CEP72: variants seen among roughly 807,000 people sequenced by gnomAD.
The protein encoded by CEP72 is centrosomal protein 72, also known as centrosomal protein of 72 kDa.
A neutral mutation model predicts 65.7 loss-of-function variants in CEP72; 78 were observed. The ratio of observed to expected loss-of-function variants is 1.19; its 90% CI spans 0.99 to 1.43. The LOEUF is 1.43. Among genes scored for constraint, CEP72 ranks in the 40% most tolerant of loss-of-function variants. The pLI is 0.00. For missense variants in CEP72, 914 were observed against 832.9 expected (o/e 1.10, Z -1.20); for synonymous variants, 358 against 351.7 (o/e 1.02, Z -0.20).
intron 3 of CEP72, among the ~76,000 whole-genome samples, chr5:621,834 C>T (rs930380839): frequency 8.5e-5 from 13 of 152,206 alleles, no homozygotes; most frequent in Admixed American, 6.5e-5. Flanking sequence ...AGTGCAGTGG[C>T]GTGATCTTAG....
chr5:669,741 G>T (rs571604305), downstream of CEP72, among the ~76,000 whole-genome samples: 1 of 152,064 alleles, frequency 6.6e-6, no homozygotes, highest in African/African-American at 2.4e-5. Flanking sequence ...CGAGTGTCTC[G>T]GGGAAAGGGC....
Position 624,649 on chromosome 5 carries a change from C to A in CEP72, c.512+70C>A. 1 of 1,103,432 alleles carries A rather than the reference C, an allele frequency of 9.1e-7. No individual in the cohort carries two copies. Among genetic ancestry groups the A allele is most frequent in the Non-Finnish European group, 1.4e-6 (1 of 718,938 alleles). The allele number at this position is 1,103,432 out of a possible 1,614,324, so 68.4% of individuals were successfully genotyped here. A position where few individuals can be genotyped will look rare whatever the true frequency, so the allele number is the denominator to read the frequency against. On this transcript the variant is annotated intron_variant, in intron 4 of 11. Coordinates refer to ENST00000264935, the MANE Select transcript of CEP72 (RefSeq NM_018140.4). The surrounding 1 kb of genome is among the most constrained non-coding windows in gnomAD (Gnocchi z 4.7). Reference sequence around the variant, plus strand: ...CCTGCTGTCAGGAGGATTAACCGAACGTCATTCACTGTGTGCCGGTCACTC... The same window carrying A: ...CCTGCTGTCAGGAGGATTAACCGAAAGTCATTCACTGTGTGCCGGTCACTC...
chr5:653,766 C>T (rs1210321488), downstream of CEP72, among the ~76,000 whole-genome samples: 4 of 152,194 alleles, frequency 2.6e-5, no homozygotes, highest in Admixed American at 6.5e-5. Context: ...AGCCCTGGCT[C>T]GCTCTCTTGT....
rs962901183 is a variant in CEP72 at position 641,546 on chromosome 5, C to T, written c.1539+942C>T. ...AGAAGAAAAACACAGCAAAACAACA[C>T]AGGCAGCCTCTGTTTAAACGCACGT... On this transcript the variant is annotated intron_variant, in intron 9 of 11. Transcript: ENST00000264935. 16 of 984,902 alleles carry T rather than the reference C, an allele frequency of 1.6e-5. No individual in the cohort carries two copies. The African/African-American group carries it at 2.6e-4, about 16-fold the overall frequency. The allele number at this position is 984,902 out of a possible 1,614,324, so 61.0% of individuals were successfully genotyped here.
chr5:617,782 T>A (rs1247909587), intron 1 of CEP72, among the ~76,000 whole-genome samples: 1 of 152,172 alleles, frequency 6.6e-6, no homozygotes, highest in Admixed American at 6.5e-5. Context: ...GGAGAATCAC[T>A]TGAACCTAGG....
At chr5:628,332 A>G (rs1454388331) in intron 4 of CEP72, among the ~76,000 whole-genome samples, 1 of 152,170 alleles carries the variant, frequency 6.6e-6, no homozygotes, top group Non-Finnish European at 1.5e-5. Context: ...CGCCCAAGGA[A>G]CTATGCTCAG....
At chr5:647,587 G>A (rs1211146708) in intron 10 of CEP72, among the ~76,000 whole-genome samples, 2 of 152,242 alleles carry the variant, frequency 1.3e-5, no homozygotes, top group African/African-American at 4.8e-5. Context: ...AGACCACACA[G>A]CTGCAGCCTG....
intron 7 of CEP72, 21 bp downstream of exon 7, chr5:637,839 C>A: frequency 6.6e-7 from 1 of 1,507,018 alleles, no homozygotes; most frequent in South Asian, 1.3e-5. Context: ...GGCTGGGGAG[C>A]AGCAGGCCCA....
In CEP72 at chr5:612,483, C is replaced by G. The variant is rs1561018863; in HGVS notation, c.82+40C>G. On this transcript the variant is annotated intron_variant, in intron 1 of 11. Transcript: ENST00000264935. ...GGGCGGGGGTGCAAGCGTGAGGTGG[C>G]GGGGGGGTGGGTGCCGAGCTTCCCG... 4.4e-4 allele frequency: 210 copies of G among 473,866 alleles called. No individual in the cohort carries two copies. The highest frequency in any genetic ancestry group is 2.5e-3 in the Middle Eastern group (4 of 1,618). 29.4% of individuals were successfully genotyped at this position (473,866 alleles called of 1,614,324 possible).
chr5:628,717 CCCTTCTTTGTG>C (rs1736967109), intron 4 of CEP72, among the ~76,000 whole-genome samples: 5 of 138,546 alleles, frequency 3.6e-5, no homozygotes, highest in Admixed American at 1.5e-4. Context: ...GGACCCAGCC[CCCTTCTTTGTG>C]CAGCTTCTGG....
At chr5:636,101 TC>T (rs1166290807) in intron 6 of CEP72, among the ~76,000 whole-genome samples, 2 of 152,266 alleles carry the variant, frequency 1.3e-5, no homozygotes, top group Non-Finnish European at 2.9e-5. Flanking sequence ...TTTGGGGGGT[TC>T]CTTCGAACTA....
At chr5:632,994 A>G (rs1381104062) in intron 4 of CEP72, among the ~76,000 whole-genome samples, 2 of 79,632 alleles carry the variant, frequency 2.5e-5, no homozygotes, top group Non-Finnish European at 4.6e-5. Flanking sequence ...GGTTCTGTCC[A>G]GTGCCGGGAT....
intron 1 of CEP72, among the ~76,000 whole-genome samples, chr5:616,748 T>C (rs1393714501): frequency 6.6e-6 from 1 of 152,054 alleles, no homozygotes; most frequent in African/African-American, 2.4e-5. Context: ...TCAGGATCCA[T>C]TCTCACACCC....
chr5:615,503 G>T (rs1203000555), intron 1 of CEP72, among the ~76,000 whole-genome samples: 2 of 152,074 alleles, frequency 1.3e-5, no homozygotes, highest in Non-Finnish European at 1.5e-5. Flanking sequence ...TGTTGTTACG[G>T]TAGCTTCTTT....
chr5:616,816 A>G (rs1709534), intron 1 of CEP72, among the ~76,000 whole-genome samples: 50,026 of 104,770 alleles, frequency 0.48, 8,590 homozygotes, highest in Non-Finnish European at 0.51. Context: ...GTGTGTGTGT[A>G]TGTGTGTGTG....
At chr5:676,328 C>CA in the CEP72 span, 1 of 152,270 alleles carries the variant, frequency 6.6e-6, no homozygotes, top group East Asian at 1.9e-4. Flanking sequence ...TGTGACATCG[C>CA]CACGGAGCAC....
rs1435366472 is a variant in CEP72 at position 612,340 on chromosome 5, G to T, written c.-22G>T. 5 of 1,483,138 alleles carry T rather than the reference G, an allele frequency of 3.4e-6. No homozygotes were observed. The highest frequency in any genetic ancestry group is 1.3e-5 in the South Asian group (1 of 79,058). The allele number at this position is 1,483,138 out of a possible 1,614,324, so 91.9% of individuals were successfully genotyped here. A position where few individuals can be genotyped will look rare whatever the true frequency, so the allele number is the denominator to read the frequency against. The stretch of plus-strand genomic sequence containing the variant: ...TCGCCCCGCCCGCCGCGCAGGCGCC[G>T]TCCGAGGGCTCCGTTTGAAACATGG... On this transcript the variant is annotated 5_prime_UTR_variant, in exon 1 of 12. Transcript: ENST00000264935.
downstream of CEP72, among the ~76,000 whole-genome samples, chr5:654,378 C>T (rs551312058): frequency 3.1e-3 from 454 of 144,340 alleles, 1 homozygote; most frequent in Non-Finnish European, 4.2e-3. Flanking sequence ...TGTGTGCACG[C>T]GTTGTGTATG....
At chr5:671,891 C>A (rs1367824522), downstream of CEP72, among the ~76,000 whole-genome samples, 1 of 152,216 alleles carries the variant, frequency 6.6e-6, no homozygotes, top group African/African-American at 2.4e-5. Context: ...CCACCCTTCC[C>A]CCGGGCTGGG....
Sources: gnomAD v4.1 joint callset for allele counts (sites outside exome capture counted in the v4.1 genomes callset) on GRCh38, gnomAD v4.1.1 for gene constraint, Gnocchi (gnomAD v3.1) non-coding constraint, MANE v1.5 for transcripts, NCBI Gene and HGNC (gene_info 2026-07-23, HGNC 2026-07-21) for gene names.